USP32: variants seen among roughly 807,000 people sequenced by gnomAD.
The protein encoded by USP32 is ubiquitin carboxyl-terminal hydrolase 32.
USP32 carries 59 observed loss-of-function variants against 204.8 expected under a neutral mutation model. The ratio of observed to expected loss-of-function variants is 0.29; its 90% confidence interval spans 0.23 to 0.36. USP32 has a LOEUF of 0.36. Among genes scored for constraint, USP32 ranks in the 10% least tolerant of loss-of-function variants. The probability of loss-of-function intolerance (pLI) is 1.00; values close to 1 mark genes in which losing one functional copy is unlikely to be tolerated. For missense variants in USP32, 1,160 were observed against 1,946.4 expected, an observed-to-expected ratio of 0.60 and a Z score of 7.60; for synonymous variants, 517 against 678.4, an observed-to-expected ratio of 0.76 and a Z score of 3.70.
At chr17:60,422,030 C>CCAGCACA (rs1334440515) in intron 1 of USP32, 1 of 870,618 alleles carries the variant, frequency 1.1e-6, no homozygotes, top group African/African-American at 1.8e-5. Flanking sequence ...CACCCAGCAC[C>CCAGCACA]CAGCACGGAG....
intron 11 of USP32, chr17:60,249,689 G>C (rs1182409389): frequency 1.4e-6 from 1 of 698,718 alleles, no homozygotes; most frequent in Non-Finnish European, 2.6e-6. Context: ...TTCTCACCAA[G>C]GATTAGTAGT....
intron 5 of USP32, among the ~76,000 whole-genome samples, chr17:60,283,147 G>T (rs1324030261): frequency 1.3e-5 from 2 of 152,220 alleles, no homozygotes; most frequent in Non-Finnish European, 2.9e-5. Flanking sequence ...CATCTCAATT[G>T]TCAAGGGCTG....
At chr17:60,253,060 T>C (rs1040729215) in intron 10 of USP32, among the ~76,000 whole-genome samples, 2 of 152,090 alleles carry the variant, frequency 1.3e-5, no homozygotes, top group Non-Finnish European at 2.9e-5. Context: ...CTTTTCAGTA[T>C]AAAATGTTGG....
intron 11 of USP32, among the ~76,000 whole-genome samples, chr17:60,247,416 G>A (rs191038425): frequency 9.3e-4 from 142 of 152,274 alleles, no homozygotes; most frequent in African/African-American, 2.7e-3. Context: ...CTGGCCTCAG[G>A]TGATCCAGCC....
intron 2 of USP32, among the ~76,000 whole-genome samples, chr17:60,310,357 T>C (rs2087824937): frequency 6.6e-6 from 1 of 152,114 alleles, no homozygotes; most frequent in African/African-American, 2.4e-5. Flanking sequence ...CATCAACAGA[T>C]GAATGGATAA....
chr17:60,322,712 A>G (rs2088143330), intron 2 of USP32, among the ~76,000 whole-genome samples: 2 of 152,190 alleles, frequency 1.3e-5, no homozygotes, highest in South Asian at 4.1e-4. Context: ...ATATATCAAC[A>G]TTAAATTTGG....
chr17:60,407,776 T>C (rs1384929159), intron 1 of USP32, among the ~76,000 whole-genome samples: 8 of 102,930 alleles, frequency 7.8e-5, no homozygotes, highest in South Asian at 6.3e-4. Context: ...AGCAAGCCTC[T>C]GTCTCAAAAA....
intron 1 of USP32, among the ~76,000 whole-genome samples, chr17:60,418,533 G>A (rs1035484495): frequency 1.3e-5 from 2 of 151,424 alleles, no homozygotes; most frequent in African/African-American, 4.9e-5. Flanking sequence ...AAACTAAAGA[G>A]CTTCTGCACA....
chr17:60,394,762 G>A (rs2089888332), upstream of USP32, among the ~76,000 whole-genome samples: 1 of 151,674 alleles, frequency 6.6e-6, no homozygotes, highest in South Asian at 2.1e-4. Flanking sequence ...TTATTTTTTT[G>A]AGACGGAGTC....
rs951135967 is a variant in USP32, at chr17:60,230,296, T to C, written c.1240-4065A>G. On this transcript the variant is annotated intron_variant, in intron 12 of 33. Transcript: ENST00000300896. ...GAAAGTCTTACATGGTGCCTATGTTTCTAAAGAAAATGTAAATGAAACCAT... is the reference window on the plus strand; with the variant it reads ...GAAAGTCTTACATGGTGCCTATGTTCCTAAAGAAAATGTAAATGAAACCAT... 5.9e-5 allele frequency among the ~76,000 whole-genome samples: 9 copies of C among 152,338 alleles called. No homozygotes were observed. In the South Asian group the frequency reaches 1.9e-3, roughly 32 times the overall value.
rs1460658445 is a variant in USP32 at position 60,178,326 on chromosome 17, G to A, written c.*929C>T. Among the ~76,000 whole-genome samples, 3 of 152,222 alleles carry A rather than the reference G, an allele frequency of 2.0e-5. No individual in the cohort carries two copies. The highest frequency in any genetic ancestry group is 2.4e-5 in the African/African-American group (1 of 41,458). The stretch of plus-strand genomic sequence containing the variant: ...AAAGAACAACCACTAATTGTGAAAC[G>A]TGATCTAGCTCCAATGCCACTTACC... On this transcript the variant is annotated 3_prime_UTR_variant, in exon 34 of 34. Transcript: ENST00000300896.
chr17:60,248,203 C>T (rs2086084120), intron 11 of USP32, among the ~76,000 whole-genome samples: 1 of 152,192 alleles, frequency 6.6e-6, no homozygotes, highest in Non-Finnish European at 1.5e-5. Context: ...CATATCACTG[C>T]ACACTGAGCT....
chr17:60,226,072 T>C lies in USP32; in HGVS notation c.1399A>G (p.Thr467Ala), dbSNP rs1404472735. 6.2e-7 allele frequency: 1 copy of C among 1,606,114 alleles called. No individual in the cohort carries two copies. The highest frequency in any genetic ancestry group is 1.1e-5 in the South Asian group (1 of 88,974). The change falls in exon 13 of 34, where the codon ACT (threonine) becomes GCT (alanine). Residue 467 changes from threonine (T) to alanine (A), a missense_variant. Physicochemically the swap from Thr to Ala is moderately conservative, Grantham distance 58. This residue lies in a region of USP32 where 536 missense variants were observed against 680.9 expected (regional missense o/e 0.79). Transcript: ENST00000300896. Reference sequence around the variant, plus strand: ...GCAGTTTCTGAGGCTTCAGATGCAGTAGAAATGTTGTCTGAAAATTTCTCT... The same window carrying C: ...GCAGTTTCTGAGGCTTCAGATGCAGCAGAAATGTTGTCTGAAAATTTCTCT... ...TEEKFSDNIS[T>A]ASEASETAGS...
intron 9 of USP32, among the ~76,000 whole-genome samples, chr17:60,255,952 A>G (rs1244228384): frequency 6.6e-6 from 1 of 152,232 alleles, no homozygotes; most frequent in Non-Finnish European, 1.5e-5. Flanking sequence ...ATATACACAT[A>G]TTGTTCTCTA....
intron 2 of USP32, among the ~76,000 whole-genome samples, chr17:60,320,298 C>A (rs2088081558): frequency 6.6e-6 from 1 of 152,132 alleles, no homozygotes. Flanking sequence ...CAAAACATTT[C>A]TAATATTAAA....
intron 4 of USP32, among the ~76,000 whole-genome samples, chr17:60,289,998 A>C (rs1429196934): frequency 6.6e-6 from 1 of 152,168 alleles, no homozygotes; most frequent in African/African-American, 2.4e-5. Flanking sequence ...AGACATTGAC[A>C]GTCTTGTTTT....
At chr17:60,338,540 G>A (rs2088579700) in intron 2 of USP32, among the ~76,000 whole-genome samples, 1 of 151,984 alleles carries the variant, frequency 6.6e-6, no homozygotes, top group African/African-American at 2.4e-5. Context: ...AGACCACCTG[G>A]GCAACATGGT....
chr17:60,299,174 G>T (rs776274278), intron 3 of USP32, among the ~76,000 whole-genome samples: 2 of 151,944 alleles, frequency 1.3e-5, no homozygotes, highest in African/African-American at 2.4e-5. Flanking sequence ...ACAAAACCAC[G>T]TATCAAAATA....
intron 11 of USP32, chr17:60,249,513 C>T: frequency 2.1e-6 from 1 of 465,664 alleles, no homozygotes; most frequent in Non-Finnish European, 3.8e-6. Flanking sequence ...GTCAGTTTTC[C>T]CTCACTGTTT....
Sources: allele counts gnomAD v4.1 joint callset (sites outside exome capture counted in the v4.1 genomes callset), GRCh38; gene constraint gnomAD v4.1.1; regional missense constraint gnomAD v4.1.1; transcripts MANE v1.5; gene names NCBI Gene and HGNC (gene_info 2026-07-23, HGNC 2026-07-21).